TSHZ3: variants seen among roughly 807,000 people sequenced by gnomAD.
TSHZ3 encodes the protein teashirt zinc finger homeobox 3.
Under a neutral mutation model 64.5 loss-of-function variants are expected in TSHZ3, and 10 were observed. That is an observed-to-expected ratio of 0.16 (90% CI 0.10 to 0.26). The LOEUF is 0.26. Among genes scored for constraint, TSHZ3 ranks in the 10% least tolerant of loss-of-function variants. TSHZ3 has a pLI of 1.00. For missense variants in TSHZ3, 1,242 were observed against 1,421.7 expected (o/e 0.87, Z 2.03); for synonymous variants, 608 against 593.1 (o/e 1.03, Z -0.36).
intron 5 of TSHZ3, among the ~76,000 whole-genome samples, chr19:31,175,175 T>C (rs1209513941): frequency 6.6e-6 from 1 of 152,202 alleles, no homozygotes; most frequent in African/African-American, 2.4e-5. Context: ...GGCCCAGAGC[T>C]GGATAGACAC....
intron 1 of TSHZ3, among the ~76,000 whole-genome samples, chr19:31,301,747 A>C (rs576908897): frequency 6.6e-6 from 1 of 152,300 alleles, no homozygotes; most frequent in African/African-American, 2.4e-5. Context: ...CATGACAATC[A>C]TACTTACCAT....
intron 5 of TSHZ3, among the ~76,000 whole-genome samples, chr19:31,168,805 G>C (rs1007796951): frequency 3.3e-5 from 5 of 152,158 alleles, no homozygotes; most frequent in African/African-American, 1.2e-4. Flanking sequence ...GGGCCAGCTG[G>C]TCTTGAGCCC....
intron 1 of TSHZ3, among the ~76,000 whole-genome samples, chr19:31,315,797 C>T (rs1013618586): frequency 6.6e-6 from 1 of 152,094 alleles, no homozygotes; most frequent in Non-Finnish European, 1.5e-5. Context: ...TAATCCATCA[C>T]GCAAGGCTTC....
At chr19:31,338,830 T>C (rs1917337527) in intron 1 of TSHZ3, among the ~76,000 whole-genome samples, 1 of 150,164 alleles carries the variant, frequency 6.7e-6, no homozygotes, top group South Asian at 2.2e-4. Flanking sequence ...TTTCTTTCTT[T>C]CTTTCTTTCT....
intron 5 of TSHZ3, among the ~76,000 whole-genome samples, chr19:31,186,322 A>G (rs1322136625): frequency 1.3e-5 from 2 of 152,110 alleles, no homozygotes; most frequent in Non-Finnish European, 2.9e-5. Flanking sequence ...CACGGGAAGG[A>G]CCTGGTGGAA....
intron 1 of TSHZ3, among the ~76,000 whole-genome samples, chr19:31,261,382 C>T (rs1203557771): frequency 2.6e-5 from 4 of 152,040 alleles, no homozygotes; most frequent in Non-Finnish European, 5.9e-5. Flanking sequence ...GAAGAAGCAC[C>T]GATAGGCAAA....
intron 5 of TSHZ3, among the ~76,000 whole-genome samples, chr19:31,167,991 A>G (rs968638551): frequency 2.0e-5 from 3 of 152,326 alleles, no homozygotes; most frequent in African/African-American, 7.2e-5. Context: ...TCTAAAAGAG[A>G]GCTCTTTTAT....
intron 1 of TSHZ3, among the ~76,000 whole-genome samples, chr19:31,325,848 C>T (rs1264377437): frequency 6.6e-6 from 1 of 152,102 alleles, no homozygotes; most frequent in Non-Finnish European, 1.5e-5. Flanking sequence ...TATAAGGCAG[C>T]TCTGTGCAAC....
intron 5 of TSHZ3, among the ~76,000 whole-genome samples, chr19:31,199,890 T>A (rs1975052804): frequency 6.7e-6 from 1 of 148,726 alleles, no homozygotes; most frequent in Non-Finnish European, 1.5e-5. Flanking sequence ...ATGATCCAGC[T>A]GAAAAAAATG....
chr19:31,194,245 C>A (rs773636725), intron 5 of TSHZ3, among the ~76,000 whole-genome samples: 2 of 152,110 alleles, frequency 1.3e-5, no homozygotes, highest in Admixed American at 6.5e-5. Flanking sequence ...AGTTTTACCC[C>A]CTGGAGCTGG....
intron 1 of TSHZ3, among the ~76,000 whole-genome samples, chr19:31,264,847 A>G (rs1976027591): frequency 6.6e-6 from 1 of 152,174 alleles, no homozygotes; most frequent in African/African-American, 2.4e-5. Flanking sequence ...AGGGCCAGTC[A>G]ACGAAGGTTC....
At chr19:31,340,364 A>AAAAAAAAAAAAAAAAAAT (rs1917394484) in intron 1 of TSHZ3, among the ~76,000 whole-genome samples, 1 of 148,270 alleles carries the variant, frequency 6.7e-6, no homozygotes, top group East Asian at 2.0e-4. Context: ...AAAAAAAAAA[A>AAAAAAAAAAAAAAAAAAT]CCACAGACTT....
chr19:31,184,360 C>G (rs992757361), intron 5 of TSHZ3, among the ~76,000 whole-genome samples: 2 of 152,130 alleles, frequency 1.3e-5, no homozygotes, highest in Non-Finnish European at 2.9e-5. Flanking sequence ...TGTTGAAACA[C>G]CTTTTGGCCT....
chr19:31,321,286 G>A lies in TSHZ3; in HGVS notation c.40+27894C>T, dbSNP rs117845406. The stretch of plus-strand genomic sequence containing the variant: ...GAGAAGGCCATGGCTCTCACTTAAG[G>A]CTGACATGGGAGACAGGCAGGGCTG... On this transcript the variant is annotated intron_variant, in intron 1 of 1. Transcript: ENST00000240587. 6.7e-4 allele frequency among the ~76,000 whole-genome samples: 102 copies of A among 152,306 alleles called. No homozygotes were observed. The East Asian group carries it at 0.017, about 25-fold the overall frequency.
chr19:31,191,677 T>G (rs1401460840), intron 5 of TSHZ3, among the ~76,000 whole-genome samples: 1 of 151,906 alleles, frequency 6.6e-6, no homozygotes, highest in Non-Finnish European at 1.5e-5. Flanking sequence ...GGCAACATAG[T>G]GAGACCCCAT....
chr19:31,254,014 C>A (rs1222933723), intron 1 of TSHZ3, among the ~76,000 whole-genome samples: 1 of 152,132 alleles, frequency 6.6e-6, no homozygotes, highest in Non-Finnish European at 1.5e-5. Flanking sequence ...CTGAACACTA[C>A]TCTCCTCCCC....
intron 1 of TSHZ3, among the ~76,000 whole-genome samples, chr19:31,294,065 C>T (rs565047293): frequency 2.0e-5 from 3 of 152,124 alleles, no homozygotes; most frequent in Non-Finnish European, 4.4e-5. Context: ...TCAGTTCTGG[C>T]GAAGTTCCTC....
chr19:31,257,338 C>A (rs1975924269), intron 1 of TSHZ3, among the ~76,000 whole-genome samples: 1 of 152,212 alleles, frequency 6.6e-6, no homozygotes. Context: ...GACTCTCATT[C>A]CCTTTGGTGC....
intron 1 of TSHZ3, among the ~76,000 whole-genome samples, chr19:31,247,484 G>A (rs1408198115): frequency 1.3e-5 from 2 of 151,944 alleles, no homozygotes; most frequent in South Asian, 2.1e-4. Flanking sequence ...AATTGAGGAC[G>A]ATCCACACAG....
Sources: allele counts gnomAD v4.1 joint callset (sites outside exome capture counted in the v4.1 genomes callset), GRCh38; gene constraint gnomAD v4.1.1; transcripts MANE v1.5; gene names NCBI Gene and HGNC (gene_info 2026-07-23, HGNC 2026-07-21).